A4GALT: variants seen among roughly 807,000 people sequenced by gnomAD.
The protein encoded by A4GALT is alpha 1,4-galactosyltransferase (P1PK blood group).
For missense variants in A4GALT, 512 were observed against 486.0 expected, an observed-to-expected ratio of 1.05 and a Z score of -0.50; for synonymous variants, 257 against 220.7, an observed-to-expected ratio of 1.16 and a Z score of -1.46.
intron 1 of A4GALT, among the ~76,000 whole-genome samples, chr22:42,700,470 C>T (rs1235355110): frequency 6.6e-6 from 1 of 152,222 alleles, no homozygotes; most frequent in African/African-American, 2.4e-5. Context: ...GCAGGCCCAG[C>T]AGTGGCCAAG....
intron 1 of A4GALT, among the ~76,000 whole-genome samples, chr22:42,719,396 G>A (rs1487283113): frequency 6.6e-6 from 1 of 152,182 alleles, no homozygotes; most frequent in African/African-American, 2.4e-5. Context: ...CTAGCAGTTT[G>A]AGACTACAGT....
chr22:42,717,505 T>C (rs1397408933), intron 1 of A4GALT, among the ~76,000 whole-genome samples: 2 of 152,168 alleles, frequency 1.3e-5, no homozygotes, highest in Non-Finnish European at 2.9e-5. Flanking sequence ...TCTTGCCTCC[T>C]GTCCTCACCA....
At chr22:42,719,922 G>A (rs1922550897) in intron 1 of A4GALT, among the ~76,000 whole-genome samples, 1 of 152,170 alleles carries the variant, frequency 6.6e-6, no homozygotes, top group Admixed American at 6.5e-5. Context: ...GTGGGTGCAG[G>A]GGAAATGGCG....
intron 1 of A4GALT, among the ~76,000 whole-genome samples, chr22:42,706,736 A>C (rs1921173363): frequency 6.6e-6 from 1 of 151,794 alleles, no homozygotes. Context: ...CGGAGGTTGC[A>C]GTGAGCCAAG....
chr22:42,715,386 T>C (rs988041100), intron 1 of A4GALT, among the ~76,000 whole-genome samples: 2 of 152,104 alleles, frequency 1.3e-5, no homozygotes, highest in African/African-American at 4.8e-5. Context: ...TAATTACTTC[T>C]ATAGGATTGG....
intron 1 of A4GALT, among the ~76,000 whole-genome samples, chr22:42,714,021 G>A (rs12484225): frequency 0.013 from 1,918 of 151,810 alleles, 87 homozygotes; most frequent in Admixed American, 0.092. Flanking sequence ...GCCAGGCACA[G>A]TGGCGCATGC....
At position 42,693,953 on chromosome 22, in the gene A4GALT, G is replaced by GTAT. The variant is rs766251415; in HGVS notation, c.-5_-3dup. On this transcript the variant is annotated 5_prime_UTR_variant, in exon 3 of 3. Coordinates refer to ENST00000642412, the MANE Select transcript of A4GALT (RefSeq NM_017436.7). ...CAGGAGGTCGGGGGGCTTGGACATG[G>GTAT]TATCCCCAGATCAGACCAGGAGCTT... The GTAT allele has an allele frequency of 3.2e-5, 50 of 1,575,852 alleles. No homozygotes were observed. Among genetic ancestry groups the GTAT allele is most frequent in the Non-Finnish European group, 3.8e-5 (44 of 1,161,316 alleles).
Position 42,692,773 on chromosome 22 carries a change from G to T in A4GALT, c.*117C>A. On this transcript the variant is annotated 3_prime_UTR_variant, in exon 3 of 3. Coordinates refer to ENST00000642412, the MANE Select transcript of A4GALT (RefSeq NM_017436.7). The surrounding 1 kb of genome is among the most constrained non-coding windows in gnomAD (Gnocchi z 4.6). Reference sequence around the variant, plus strand: ...TGCTCCCACAGCTCCTCAACAGCCTGCCTAAGCCCGGTGGCAGCTCGGGCC... The same window carrying T: ...TGCTCCCACAGCTCCTCAACAGCCTTCCTAAGCCCGGTGGCAGCTCGGGCC... 8.0e-7 allele frequency: 1 copy of T among 1,244,676 alleles called. No homozygotes were observed. Among genetic ancestry groups the T allele is most frequent in the Non-Finnish European group, 1.1e-6 (1 of 876,498 alleles). The allele number at this position is 1,244,676 out of a possible 1,614,324, so 77.1% of individuals were successfully genotyped here. A position where few individuals can be genotyped will look rare whatever the true frequency, so the allele number is the denominator to read the frequency against.
chr22:42,693,731 G>A lies in A4GALT; in HGVS notation c.221C>T (p.Pro74Leu), dbSNP rs1245466396. Residue 74 changes from proline (P) to leucine (L), a missense_variant, in exon 3 of 3, where the codon CCC becomes CTC. By Grantham distance (98) the Pro-to-Leu change is moderately conservative. Transcript: ENST00000642412. ...CAGGAAGAAGATGTTGCCTGGAGTG[G>A]GGCCGTGGGAGGGTGGGGTGGGGGG... ...LTPPTPPSHG[P>L]TPGNIFFLET... 1.2e-6 allele frequency: 2 copies of A among 1,612,468 alleles called. No homozygotes were observed. Among genetic ancestry groups the A allele is most frequent in the Admixed American group, 3.3e-5 (2 of 59,952 alleles).
rs1289422264 is a variant in A4GALT, at chr22:42,702,356, T to TC, written c.-187-6726dup. Among the ~76,000 whole-genome samples the TC allele has an allele frequency of 1.3e-3, 195 of 146,824 alleles. 4 individuals are homozygous for TC. Among genetic ancestry groups the TC allele is most frequent in the Non-Finnish European group, 2.1e-3 (138 of 66,472 alleles). ...ACACACTCTTTTTTTTTTTTTTTTTTCACAGATGGAGTCTTGCTCTGTCGC... is the reference window on the plus strand; with the variant it reads ...ACACACTCTTTTTTTTTTTTTTTTTTCCACAGATGGAGTCTTGCTCTGTCGC... On this transcript the variant is annotated intron_variant, in intron 1 of 2. Coordinates refer to ENST00000642412, the MANE Select transcript of A4GALT (RefSeq NM_017436.7).
chr22:42,693,536 A>G lies in A4GALT; in HGVS notation c.416T>C (p.Val139Ala), dbSNP rs1360137554. Residue 139 changes from valine to alanine, a missense_variant, in exon 3 of 3, where the codon GTC (valine) becomes GCC (alanine). Coordinates refer to ENST00000642412, the MANE Select transcript of A4GALT (RefSeq NM_017436.7). ...CCGCAGGTCCAGCGGGAGCATCTGG[A>G]CATTCGGGAAGCAGCTCAGAAGTGA... ...GISLLSCFPN[V>A]QMLPLDLREL... 1 of 1,613,286 alleles carries G rather than the reference A, an allele frequency of 6.2e-7. No homozygotes were observed. The highest frequency in any genetic ancestry group is 1.7e-5 in the Admixed American group (1 of 60,008).
rs747246882 is a variant in A4GALT at position 42,692,755 on chromosome 22, A to G, written c.*135T>C. 7.7e-6 allele frequency: 8 copies of G among 1,044,940 alleles called. No homozygotes were observed. The highest frequency in any genetic ancestry group is 3.9e-5 in the Admixed American group (2 of 50,694). 64.7% of individuals were successfully genotyped at this position (1,044,940 alleles called of 1,614,324 possible). A position where few individuals can be genotyped will look rare whatever the true frequency, so the allele number is the denominator to read the frequency against. On this transcript the variant is annotated 3_prime_UTR_variant, in exon 3 of 3. Transcript: ENST00000642412. The surrounding 1 kb of genome is among the most constrained non-coding windows in gnomAD (Gnocchi z 4.6). ...ACAGCCTCCCACTGGGCCTGCTCCC[A>G]CAGCTCCTCAACAGCCTGCCTAAGC...
intron 1 of A4GALT, among the ~76,000 whole-genome samples, chr22:42,709,437 G>A (rs1256596226): frequency 6.6e-6 from 1 of 151,568 alleles, no homozygotes; most frequent in Non-Finnish European, 1.5e-5. Flanking sequence ...TTTCACTTAT[G>A]AATATTATTG....
intron 1 of A4GALT, among the ~76,000 whole-genome samples, chr22:42,714,253 C>A: frequency 9.2e-6 from 1 of 108,918 alleles, no homozygotes; most frequent in African/African-American, 3.6e-5. Flanking sequence ...CCAGCCTGGG[C>A]AACAGAGCAA....
intron 1 of A4GALT, among the ~76,000 whole-genome samples, chr22:42,717,398 G>T (rs1236992820): frequency 6.6e-6 from 1 of 152,126 alleles, no homozygotes; most frequent in African/African-American, 2.4e-5. Flanking sequence ...CTCCCAGGGA[G>T]GAAGCACCAA....
intron 1 of A4GALT, among the ~76,000 whole-genome samples, chr22:42,697,420 G>C (rs1378956334): frequency 6.6e-6 from 1 of 152,096 alleles, no homozygotes. Context: ...TTGGTCCTGA[G>C]TACTTTTAAC....
chr22:42,703,044 A>C (rs1920933557), intron 1 of A4GALT, among the ~76,000 whole-genome samples: 1 of 147,070 alleles, frequency 6.8e-6, no homozygotes, highest in Non-Finnish European at 1.5e-5. Context: ...CTTGGCTGGC[A>C]CATGCTGCCC....
At chr22:42,712,203 G>A (rs1018330935) in intron 1 of A4GALT, among the ~76,000 whole-genome samples, 3 of 152,174 alleles carry the variant, frequency 2.0e-5, no homozygotes, top group Non-Finnish European at 1.5e-5. Context: ...CCCACAGGAA[G>A]CTGGATCTGG....
intron 1 of A4GALT, among the ~76,000 whole-genome samples, chr22:42,706,940 A>G (rs1921198477): frequency 6.6e-6 from 1 of 152,204 alleles, no homozygotes. Flanking sequence ...TATTATGCTA[A>G]CGGTATAATT....
Sources: allele counts gnomAD v4.1 joint callset (sites outside exome capture counted in the v4.1 genomes callset), GRCh38; gene constraint gnomAD v4.1.1; non-coding constraint Gnocchi (gnomAD v3.1); transcripts MANE v1.5; gene names NCBI Gene and HGNC (gene_info 2026-07-23, HGNC 2026-07-21).